Variants in EXOC6B observed in about 807,000 individuals in gnomAD.
EXOC6B encodes exocyst complex component 6B, also known as SEC15 homolog B.
A neutral mutation model predicts 113.5 loss-of-function variants in EXOC6B; 54 were observed. The observed-to-expected ratio is 0.48, with a 90% CI of 0.38 to 0.60. The LOEUF is 0.60. Among genes scored for constraint, EXOC6B ranks in the 20% least tolerant of loss-of-function variants. The pLI is 0.00. For missense variants in EXOC6B, 797 were observed against 977.5 expected, an observed-to-expected ratio of 0.82 and a Z score of 2.46; for synonymous variants, 357 against 339.0, an observed-to-expected ratio of 1.05 and a Z score of -0.58.
intron 20 of EXOC6B, among the ~76,000 whole-genome samples, chr2:72,260,429 A>T (rs1683644172): frequency 6.6e-6 from 1 of 152,224 alleles, no homozygotes. Flanking sequence ...GGCAACAATT[A>T]TGAGCAGAGT....
At chr2:72,611,790 A>C (rs1450294286) in intron 6 of EXOC6B, among the ~76,000 whole-genome samples, 2 of 152,238 alleles carry the variant, frequency 1.3e-5, no homozygotes, top group Admixed American at 6.5e-5. Flanking sequence ...ATCATGGGAC[A>C]TAGTTCTGAA....
At chr2:72,479,549 A>G (rs1698950377) in intron 17 of EXOC6B, among the ~76,000 whole-genome samples, 1 of 152,216 alleles carries the variant, frequency 6.6e-6, no homozygotes, top group South Asian at 2.1e-4. Context: ...GTGACATGGA[A>G]TATGTTTCAA....
At chr2:72,349,527 C>T (rs1371784164) in intron 19 of EXOC6B, among the ~76,000 whole-genome samples, 1 of 152,070 alleles carries the variant, frequency 6.6e-6, no homozygotes, top group Non-Finnish European at 1.5e-5. Flanking sequence ...ATCAATCTTG[C>T]CTATGCAATA....
chr2:72,604,421 C>A (rs988914316), intron 6 of EXOC6B, among the ~76,000 whole-genome samples: 2 of 152,134 alleles, frequency 1.3e-5, no homozygotes, highest in African/African-American at 4.8e-5. Flanking sequence ...TCAATAATAA[C>A]GTTTGTGAGT....
chr2:72,253,610 C>G (rs921010786), intron 20 of EXOC6B, among the ~76,000 whole-genome samples: 1 of 152,104 alleles, frequency 6.6e-6, no homozygotes, highest in African/African-American at 2.4e-5. Context: ...AACCAAACAC[C>G]GCATGTTCTC....
intron 20 of EXOC6B, among the ~76,000 whole-genome samples, chr2:72,191,715 T>C (rs866304262): frequency 1.3e-5 from 2 of 152,154 alleles, no homozygotes. Context: ...ATTATAATAG[T>C]AGAACAAATG....
At chr2:72,574,111 CAAAA>C (rs11364486) in intron 7 of EXOC6B, among the ~76,000 whole-genome samples, 10 of 110,302 alleles carry the variant, frequency 9.1e-5, no homozygotes, top group Admixed American at 2.7e-4. Context: ...GACTCCATCG[CAAAA>C]AAAAAAAAAA....
At position 72,692,161 on chromosome 2, in the gene EXOC6B, C is replaced by T. The variant is rs959640255; in HGVS notation, c.669+25942G>A. Among the ~76,000 whole-genome samples, 3 of 152,082 alleles carry T rather than the reference C, an allele frequency of 2.0e-5. No homozygotes were observed. In the East Asian group the frequency reaches 5.8e-4, roughly 29 times the overall value. On this transcript the variant is annotated intron_variant, in intron 6 of 21. Coordinates refer to ENST00000272427, the MANE Select transcript of EXOC6B (RefSeq NM_015189.3). The stretch of plus-strand genomic sequence containing the variant: ...GAAAGTGTTAATTATTATATGCTTA[C>T]TAGATGATTACTGATATGATCACTA...
intron 18 of EXOC6B, among the ~76,000 whole-genome samples, chr2:72,389,256 A>G (rs1051657500): frequency 1.3e-5 from 2 of 151,892 alleles, no homozygotes; most frequent in Admixed American, 1.3e-4. Flanking sequence ...AGGCTTTGTA[A>G]TAAGTCTCTT....
At position 72,539,754 on chromosome 2, in the gene EXOC6B, G is replaced by A. The variant is rs527488286; in HGVS notation, c.915+19699C>T. 5.4e-3 allele frequency among the ~76,000 whole-genome samples: 825 copies of A among 151,604 alleles called. 10 individuals carry two copies. The highest frequency in any genetic ancestry group is 0.019 in the African/African-American group (767 of 41,256). On this transcript the variant is annotated intron_variant, in intron 8 of 21. Transcript: ENST00000272427. ...TATGCGTGTGTGTGTGTGTGTGCGC[G>A]CGCGCGCGCGTGTGTGTAGTCTGCA...
At chr2:72,646,177 A>G (rs1456873988) in intron 6 of EXOC6B, among the ~76,000 whole-genome samples, 1 of 152,212 alleles carries the variant, frequency 6.6e-6, no homozygotes, top group East Asian at 1.9e-4. Context: ...CTACGCAGAT[A>G]AACTAGAAAA....
At chr2:72,550,422 T>C (rs889614521) in intron 8 of EXOC6B, among the ~76,000 whole-genome samples, 1 of 152,156 alleles carries the variant, frequency 6.6e-6, no homozygotes, top group Non-Finnish European at 1.5e-5. Context: ...CCTATAGACC[T>C]AGAAAATCAA....
rs115580521 is a variant in EXOC6B at position 72,558,788 on chromosome 2, T to G, written c.915+665A>C. 5.3e-3 allele frequency among the ~76,000 whole-genome samples: 809 copies of G among 151,730 alleles called. 8 individuals carry two copies. The highest frequency in any genetic ancestry group is 0.019 in the African/African-American group (773 of 41,446). The stretch of plus-strand genomic sequence containing the variant: ...CTGTCTCAAAAAGAAAAAAAAAAGA[T>G]ATATATATACACAAATAAAAATTGA... On this transcript the variant is annotated intron_variant, in intron 8 of 21. Coordinates refer to ENST00000272427, the MANE Select transcript of EXOC6B (RefSeq NM_015189.3).
chr2:72,636,454 A>AAGG (rs1360432952), intron 6 of EXOC6B, among the ~76,000 whole-genome samples: 2 of 150,148 alleles, frequency 1.3e-5, no homozygotes, highest in Non-Finnish European at 3.0e-5. Context: ...AAGGAAGAAG[A>AAGG]AGGAGGAGGA....
At chr2:72,459,944 G>A (rs1435113063) in intron 18 of EXOC6B, among the ~76,000 whole-genome samples, 1 of 152,142 alleles carries the variant, frequency 6.6e-6, no homozygotes, top group African/African-American at 2.4e-5. Flanking sequence ...CATGCTACCT[G>A]ACTTCAAACC....
intron 8 of EXOC6B, among the ~76,000 whole-genome samples, chr2:72,542,235 A>C (rs910204822): frequency 1.3e-5 from 2 of 152,198 alleles, no homozygotes; most frequent in Non-Finnish European, 2.9e-5. Context: ...TGGTGAGAAT[A>C]ACCCAGAATT....
chr2:72,634,033 G>A (rs114428052), intron 6 of EXOC6B, among the ~76,000 whole-genome samples: 2,435 of 150,244 alleles, frequency 0.016, 94 homozygotes, highest in African/African-American at 0.057. Flanking sequence ...ATCCAGATGG[G>A]AAAAAAAAAG....
At chr2:72,713,939 T>C (rs894160999) in intron 6 of EXOC6B, among the ~76,000 whole-genome samples, 1 of 152,184 alleles carries the variant, frequency 6.6e-6, no homozygotes, top group Non-Finnish European at 1.5e-5. Flanking sequence ...TTTGCAGTGA[T>C]TGACCTCTGG....
chr2:72,184,300 T>C, intron 20 of EXOC6B, 113 bp from the exon 21 acceptor site: 1 of 572,510 alleles, frequency 1.7e-6, no homozygotes, highest in East Asian at 2.9e-5. Context: ...TATATAAAAA[T>C]TAAAATATAA....
Sources: allele counts gnomAD v4.1 joint callset (sites outside exome capture counted in the v4.1 genomes callset), GRCh38; gene constraint gnomAD v4.1.1; transcripts MANE v1.5; gene names NCBI Gene and HGNC (gene_info 2026-07-23, HGNC 2026-07-21).